RALYL: variants seen among roughly 807,000 people sequenced by gnomAD.
RALYL encodes the protein RNA-binding Raly-like protein.
RALYL carries 29 observed loss-of-function variants against 35.1 expected under a neutral mutation model. The observed-to-expected ratio is 0.83, with a 90% confidence interval of 0.61 to 1.13. The LOEUF (loss-of-function observed/expected upper bound fraction) is 1.13. RALYL is among the 50% of genes most tolerant of loss of function. The pLI, the probability that RALYL is intolerant of heterozygous loss-of-function variation, is 0.00. For missense variants in RALYL, 359 were observed against 360.4 expected (o/e 1.00, Z 0.03); for synonymous variants, 120 against 127.6 (o/e 0.94, Z 0.40).
At chr8:84,445,982 T>C (rs1002424189) in intron 1 of RALYL, among the ~76,000 whole-genome samples, 3 of 151,870 alleles carry the variant, frequency 2.0e-5, no homozygotes, top group African/African-American at 7.2e-5. Context: ...TTTAAAAATA[T>C]TGATTTTCAA....
intron 1 of RALYL, among the ~76,000 whole-genome samples, chr8:84,407,737 T>C (rs2043685425): frequency 6.6e-6 from 1 of 152,130 alleles, no homozygotes; most frequent in African/African-American, 2.4e-5. Flanking sequence ...TTGGTTCAGT[T>C]TGCAAAACTG....
chr8:84,292,363 T>G (rs536054667), intron 1 of RALYL, among the ~76,000 whole-genome samples: 4 of 152,278 alleles, frequency 2.6e-5, no homozygotes, highest in Non-Finnish European at 5.9e-5. Flanking sequence ...AGATTTTCTT[T>G]AACCTACGTT....
chr8:84,217,475 G>A (rs550886139), intron 1 of RALYL, among the ~76,000 whole-genome samples: 28 of 151,914 alleles, frequency 1.8e-4, no homozygotes, highest in African/African-American at 4.8e-4. Flanking sequence ...TAAAATAGCC[G>A]TCAGAAGAGG....
intron 2 of RALYL, among the ~76,000 whole-genome samples, chr8:84,746,088 G>A (rs1273558423): frequency 2.6e-5 from 4 of 151,958 alleles, no homozygotes; most frequent in Non-Finnish European, 4.4e-5. Context: ...TCCTACACTG[G>A]ATATCAAAAT....
intron 1 of RALYL, among the ~76,000 whole-genome samples, chr8:84,367,258 C>T (rs1854527197): frequency 6.8e-6 from 1 of 147,210 alleles, no homozygotes; most frequent in South Asian, 2.2e-4. Flanking sequence ...GCCTCAGCCT[C>T]CCGAGTAACT....
intron 1 of RALYL, among the ~76,000 whole-genome samples, chr8:84,479,085 C>CAAAAAAAAAAAA (rs56799862): frequency 2.3e-4 from 5 of 21,828 alleles, no homozygotes; most frequent in African/African-American, 3.1e-4. Context: ...GACTCCGTCT[C>CAAAAAAAAAAAA]AAAAAAAAAA....
intron 1 of RALYL, among the ~76,000 whole-genome samples, chr8:84,409,474 C>T (rs1055424641): frequency 5.3e-5 from 8 of 152,072 alleles, no homozygotes; most frequent in African/African-American, 1.9e-4. Flanking sequence ...TCTGTTGGTC[C>T]ACCTGATTTT....
chr8:84,889,740 AT>A (rs1323883932), intron 8 of RALYL, among the ~76,000 whole-genome samples: 1 of 152,120 alleles, frequency 6.6e-6, no homozygotes, highest in African/African-American at 2.4e-5. Context: ...AACAGTCTTG[AT>A]TTTTTTCTAG....
intron 4 of RALYL, among the ~76,000 whole-genome samples, chr8:84,827,965 A>G (rs1196591443): frequency 6.6e-6 from 1 of 152,094 alleles, no homozygotes; most frequent in Non-Finnish European, 1.5e-5. Flanking sequence ...AAACATTTAA[A>G]TTGTTTTACT....
intron 2 of RALYL, among the ~76,000 whole-genome samples, chr8:84,701,176 T>C (rs979672026): frequency 1.3e-5 from 2 of 152,152 alleles, no homozygotes; most frequent in African/African-American, 2.4e-5. Flanking sequence ...ACATTTTCTG[T>C]TCCTACCTGA....
intron 2 of RALYL, among the ~76,000 whole-genome samples, chr8:84,559,846 G>A (rs754298116): frequency 3.3e-5 from 5 of 151,886 alleles, no homozygotes; most frequent in Non-Finnish European, 1.5e-5. Flanking sequence ...CAATAAAAGA[G>A]TAAGAAACAG....
chr8:84,221,466 T>C (rs1822197631), intron 1 of RALYL, among the ~76,000 whole-genome samples: 1 of 152,042 alleles, frequency 6.6e-6, no homozygotes, highest in Non-Finnish European at 1.5e-5. Context: ...GTGTAAGCTC[T>C]GGGGAAATCT....
At chr8:84,915,022 A>G (rs1848225232) in intron 8 of RALYL, among the ~76,000 whole-genome samples, 1 of 152,084 alleles carries the variant, frequency 6.6e-6, no homozygotes, top group Non-Finnish European at 1.5e-5. Flanking sequence ...ATTCTCTGAT[A>G]TAAGAACTAA....
intron 2 of RALYL, among the ~76,000 whole-genome samples, chr8:84,586,418 G>C (rs1434917277): frequency 1.3e-5 from 2 of 152,150 alleles, no homozygotes. Context: ...TTCCAAGTCT[G>C]CCAGGCACAT....
intron 1 of RALYL, among the ~76,000 whole-genome samples, chr8:84,205,562 C>A (rs1817868416): frequency 6.6e-6 from 1 of 152,116 alleles, no homozygotes; most frequent in African/African-American, 2.4e-5. Context: ...TTTCAATATT[C>A]TTTGACTTCT....
chr8:84,225,792 T>C (rs1236175668), intron 1 of RALYL, among the ~76,000 whole-genome samples: 1 of 152,214 alleles, frequency 6.6e-6, no homozygotes, highest in Non-Finnish European at 1.5e-5. Flanking sequence ...TGCTTGTTTA[T>C]ATGACTGCTC....
chr8:84,407,038 ACACACACACT>A (rs1272652512), intron 1 of RALYL, among the ~76,000 whole-genome samples: 6 of 149,104 alleles, frequency 4.0e-5, no homozygotes, highest in African/African-American at 1.5e-4. Context: ...ATATATATAC[ACACACACACT>A]CACACACACA....
intron 3 of RALYL, among the ~76,000 whole-genome samples, chr8:84,778,327 T>A (rs1817335195): frequency 6.6e-6 from 1 of 152,210 alleles, no homozygotes. Flanking sequence ...TTGATTTGTT[T>A]CTTCTTTTAA....
intron 2 of RALYL, among the ~76,000 whole-genome samples, chr8:84,683,118 G>C (rs1317396113): frequency 2.0e-5 from 3 of 152,192 alleles, no homozygotes; most frequent in Non-Finnish European, 4.4e-5. Flanking sequence ...TCATTCAGGA[G>C]CAGGTTTTTC....
Sources: gnomAD v4.1 joint callset for allele counts (sites outside exome capture counted in the v4.1 genomes callset) on GRCh38, gnomAD v4.1.1 for gene constraint, MANE v1.5 for transcripts, NCBI Gene and HGNC (gene_info 2026-07-23, HGNC 2026-07-21) for gene names.